ST6GALNAC5: variants seen among roughly 807,000 people sequenced by gnomAD.
ST6GALNAC5 encodes alpha-N-acetylgalactosaminide alpha-2,6-sialyltransferase 5.
A neutral mutation model predicts 33.6 loss-of-function variants in ST6GALNAC5; 27 were observed. The ratio of observed to expected loss-of-function variants is 0.80; its 90% confidence interval spans 0.59 to 1.11. The LOEUF (loss-of-function observed/expected upper bound fraction) is 1.11, where lower values mean the gene tolerates loss of function less well. Ranked by LOEUF, ST6GALNAC5 falls within the 50% of genes least tolerant of loss-of-function variation. The pLI is 0.00. For synonymous variants in ST6GALNAC5, 194 were observed against 171.2 expected (o/e 1.13, Z -1.04); for missense variants, 428 against 454.0 (o/e 0.94, Z 0.52).
At chr1:76,895,298 G>A (rs996303309) in intron 2 of ST6GALNAC5, among the ~76,000 whole-genome samples, 11 of 152,012 alleles carry the variant, frequency 7.2e-5, no homozygotes, top group Admixed American at 3.9e-4. Context: ...TTTTGGGGGG[G>A]TGATATGGAG....
intron 2 of ST6GALNAC5, among the ~76,000 whole-genome samples, chr1:77,022,149 A>G (rs1651076341): frequency 6.6e-6 from 1 of 152,208 alleles, no homozygotes. Flanking sequence ...GAAAGCTTTC[A>G]CTTGCCATTG....
chr1:77,061,611 C>T (rs1322636906), intron 4 of ST6GALNAC5, among the ~76,000 whole-genome samples: 1 of 152,216 alleles, frequency 6.6e-6, no homozygotes, highest in Non-Finnish European at 1.5e-5. Flanking sequence ...AGGCCAGTTG[C>T]TGAGCATAGC....
chr1:77,027,392 G>A (rs61782863), intron 2 of ST6GALNAC5, among the ~76,000 whole-genome samples: 10,586 of 152,188 alleles, frequency 0.07, 506 homozygotes, highest in Non-Finnish European at 0.1. Flanking sequence ...TTTATTGAGC[G>A]TTTACTGTGT....
intron 2 of ST6GALNAC5, among the ~76,000 whole-genome samples, chr1:77,017,150 C>CA (rs11304509): frequency 0.011 from 1,188 of 104,668 alleles, 5 homozygotes; most frequent in Non-Finnish European, 0.016. Context: ...CAGGAAAAGG[C>CA]AAAAAAAAAA....
At chr1:76,919,219 G>C (rs1032677430) in intron 2 of ST6GALNAC5, among the ~76,000 whole-genome samples, 1 of 152,066 alleles carries the variant, frequency 6.6e-6, no homozygotes, top group Non-Finnish European at 1.5e-5. Flanking sequence ...CCTCAGTAAC[G>C]TGAGGATTGA....
intron 2 of ST6GALNAC5, among the ~76,000 whole-genome samples, chr1:77,020,441 C>T (rs1450723098): frequency 6.6e-6 from 1 of 152,138 alleles, no homozygotes; most frequent in African/African-American, 2.4e-5. Flanking sequence ...CACTTTGTCA[C>T]CCAGGCTGGA....
chr1:76,999,580 G>A (rs1471766582), intron 2 of ST6GALNAC5, among the ~76,000 whole-genome samples: 12 of 150,790 alleles, frequency 8.0e-5, no homozygotes, highest in East Asian at 3.9e-4. Flanking sequence ...ATGCTGGTGC[G>A]CTGCACCCAC....
At chr1:77,012,549 C>T (rs1325016173) in intron 2 of ST6GALNAC5, among the ~76,000 whole-genome samples, 2 of 152,216 alleles carry the variant, frequency 1.3e-5, no homozygotes, top group East Asian at 3.9e-4. Context: ...GAAAGCTTCA[C>T]TATGTATTCT....
chr1:77,059,009 C>T (rs894858634), intron 4 of ST6GALNAC5, among the ~76,000 whole-genome samples: 3 of 152,140 alleles, frequency 2.0e-5, no homozygotes, highest in Non-Finnish European at 4.4e-5. Context: ...AAGGAGCTTT[C>T]CACCATTTGA....
At chr1:76,900,201 A>C (rs1570653033) in intron 2 of ST6GALNAC5, among the ~76,000 whole-genome samples, 1 of 151,988 alleles carries the variant, frequency 6.6e-6, no homozygotes, top group African/African-American at 2.4e-5. Context: ...AGTAGGGGAG[A>C]TTTTGAGCCA....
chr1:76,949,830 AG>A (rs1351641475), intron 2 of ST6GALNAC5, among the ~76,000 whole-genome samples: 4 of 152,160 alleles, frequency 2.6e-5, no homozygotes, highest in Non-Finnish European at 5.9e-5. Context: ...CACAAACTGA[AG>A]AAGGCAATAA....
intron 4 of ST6GALNAC5, among the ~76,000 whole-genome samples, chr1:77,053,821 G>T (rs549164469): frequency 7.2e-5 from 11 of 152,290 alleles, no homozygotes; most frequent in African/African-American, 2.6e-4. Flanking sequence ...GCATTTTACA[G>T]AACTGGCATT....
chr1:76,988,514 TCTTC>T (rs1649599154), intron 2 of ST6GALNAC5, among the ~76,000 whole-genome samples: 1 of 152,074 alleles, frequency 6.6e-6, no homozygotes, highest in Non-Finnish European at 1.5e-5. Flanking sequence ...TTATTATATT[TCTTC>T]CTTTTCTCTC....
intron 2 of ST6GALNAC5, among the ~76,000 whole-genome samples, chr1:76,958,830 C>CA (rs1351318633): frequency 6.6e-6 from 1 of 152,056 alleles, no homozygotes; most frequent in Non-Finnish European, 1.5e-5. Flanking sequence ...CCTCCTCTCC[C>CA]AAAAAAGCCA....
At chr1:76,919,832 C>T (rs779542597) in intron 2 of ST6GALNAC5, among the ~76,000 whole-genome samples, 7 of 152,096 alleles carry the variant, frequency 4.6e-5, no homozygotes, top group African/African-American at 1.7e-4. Context: ...AAGGAGTTGA[C>T]GCTAAAGTGA....
At chr1:76,968,146 T>C (rs1648578007) in intron 2 of ST6GALNAC5, among the ~76,000 whole-genome samples, 1 of 152,150 alleles carries the variant, frequency 6.6e-6, no homozygotes, top group African/African-American at 2.4e-5. Flanking sequence ...TTGTTAACCT[T>C]CTGTCTCGTT....
intron 2 of ST6GALNAC5, among the ~76,000 whole-genome samples, chr1:77,015,111 G>A (rs1164440919): frequency 6.6e-6 from 1 of 150,900 alleles, no homozygotes; most frequent in Non-Finnish European, 1.5e-5. Context: ...TGAGAAGTTG[G>A]CTTATGCAAT....
At chr1:76,956,493 A>G (rs1487040528) in intron 2 of ST6GALNAC5, among the ~76,000 whole-genome samples, 4 of 152,190 alleles carry the variant, frequency 2.6e-5, no homozygotes, top group African/African-American at 9.7e-5. Flanking sequence ...AATACTACAG[A>G]AAGCTGAGTA....
intron 2 of ST6GALNAC5, among the ~76,000 whole-genome samples, chr1:76,997,534 A>G (rs1374152073): frequency 6.6e-6 from 1 of 152,182 alleles, no homozygotes; most frequent in Non-Finnish European, 1.5e-5. Flanking sequence ...TTAATAGACG[A>G]GCCCTCATAA....
Sources: gnomAD v4.1 joint callset for allele counts (sites outside exome capture counted in the v4.1 genomes callset) on GRCh38, gnomAD v4.1.1 for gene constraint, MANE v1.5 for transcripts, NCBI Gene and HGNC (gene_info 2026-07-23, HGNC 2026-07-21) for gene names.